The following LLGL2 variants were observed in gnomAD, a reference collection of about 807,000 sequenced individuals.
LLGL2 encodes the protein LLGL2, scribble cell polarity complex component.
A neutral mutation model predicts 123.2 loss-of-function variants in LLGL2; 81 were observed. The observed-to-expected ratio is 0.66, with a 90% CI of 0.55 to 0.79. LLGL2 has a LOEUF of 0.79. LLGL2 is among the 30% of genes least tolerant of loss of function. LLGL2 has a pLI of 0.00. For synonymous variants in LLGL2, 577 were observed against 594.1 expected, an observed-to-expected ratio of 0.97 and a Z score of 0.42; for missense variants, 1,273 against 1,414.6, an observed-to-expected ratio of 0.90 and a Z score of 1.61.
At chr17:75,556,895 G>A (rs2054936907) in intron 3 of LLGL2, among the ~76,000 whole-genome samples, 1 of 152,130 alleles carries the variant, frequency 6.6e-6, no homozygotes, top group African/African-American at 2.4e-5. Context: ...AGGGCGTGGT[G>A]GCACATGCCT....
chr17:75,570,584 C>T (rs980445258), intron 16 of LLGL2, 86 bp downstream of exon 16: 5 of 1,448,238 alleles, frequency 3.5e-6, no homozygotes, highest in East Asian at 5.0e-5. Context: ...GCCCCTGCTC[C>T]CCAGGCTTGC....
intron 14 of LLGL2, among the ~76,000 whole-genome samples, 200 bp downstream of exon 14, chr17:75,569,525 G>A (rs981066725): frequency 2.6e-5 from 4 of 152,290 alleles, no homozygotes; most frequent in Admixed American, 1.3e-4. Context: ...GGGCTGGGCC[G>A]GGCACGGTGG....
At chr17:75,573,773 C>G in intron 21 of LLGL2, 142 bp downstream of exon 21, 1 of 1,213,790 alleles carries the variant, frequency 8.2e-7, no homozygotes, top group Admixed American at 2.3e-5. Context: ...CTCTCCTTGC[C>G]TCTTTGCGTG....
At position 75,571,361 on chromosome 17, in the gene LLGL2, G is replaced by A; in HGVS notation, c.2176+261G>A. 6.9e-6 allele frequency: 4 copies of A among 578,028 alleles called. No homozygotes were observed. The South Asian group carries it at 8.8e-5, about 13-fold the overall frequency. 35.8% of individuals were successfully genotyped at this position (578,028 alleles called of 1,614,324 possible). On this transcript the variant is annotated intron_variant, in intron 17 of 25. Transcript: ENST00000392550. ...CAGACCCATCACTTAGCCTTTCAGG[G>A]CCTCAGCTTGCTTCTCTGTAAATGA...
rs1229436757 is a variant in LLGL2, at chr17:75,570,034, G to C, written c.1653G>C (p.Gln551His). Residue 551 changes from glutamine to histidine, a missense_variant, in exon 15 of 26, where the codon CAG becomes CAC. Transcript: ENST00000392550. ...AVEQVEADLLQDQEGYRWKGH... is the reference protein window; with the variant it reads ...AVEQVEADLLHDQEGYRWKGH... ...AGCAGGTGGAGGCCGACCTGCTGCA[G>C]GACCAAGAGGGCTACCGCTGGAAGG... 6.2e-7 allele frequency: 1 copy of C among 1,612,556 alleles called. No individual in the cohort carries two copies.
chr17:75,558,451 A>G lies in LLGL2; in HGVS notation c.256-61A>G, dbSNP rs2147373388. 1.3e-5 allele frequency: 18 copies of G among 1,402,764 alleles called. No homozygotes were observed. In the South Asian group the frequency reaches 1.9e-4, roughly 15 times the overall value. 86.9% of individuals were successfully genotyped at this position (1,402,764 alleles called of 1,614,324 possible). ...TAAACAACTGGGGCTGCGTGGCCCC[A>G]GTGTGTAAAGGCCTTGCCTGGGTAG... is the stretch of plus-strand genomic sequence containing the variant. On this transcript the variant is annotated intron_variant, in intron 4 of 25. Coordinates refer to ENST00000392550, the MANE Select transcript of LLGL2 (RefSeq NM_001031803.2). The surrounding 1 kb of genome is among the most constrained non-coding windows in gnomAD (Gnocchi z 4.0).
rs1404624901 is a variant in LLGL2 at position 75,574,230 on chromosome 17, G to T, written c.2923G>T (p.Val975Leu). ...SDGEEKQPGLVMERALLSDER... is the reference protein window; with the variant it reads ...SDGEEKQPGLLMERALLSDER... The stretch of plus-strand genomic sequence containing the variant: ...CCTTCCAGAGAAGCAGCCCGGCCTG[G>T]TGATGGAGCGCGCTCTGCTCAGTGA... Residue 975 changes from valine to leucine, a missense_variant, in exon 23 of 26, where the codon GTG becomes TTG. Transcript: ENST00000392550. 2.0e-6 allele frequency: 3 copies of T among 1,500,676 alleles called. No homozygotes were observed. Among genetic ancestry groups the T allele is most frequent in the East Asian group, 5.2e-5 (2 of 38,404 alleles). The allele number at this position is 1,500,676 out of a possible 1,614,324, so 93.0% of individuals were successfully genotyped here. A position where few individuals can be genotyped will look rare whatever the true frequency, so the allele number is the denominator to read the frequency against.
chr17:75,558,290 C>T lies in LLGL2; in HGVS notation c.255+54C>T. ...CACTTCCATGCCCTCCTTGCCTTCA[C>T]TGCTTCCAGCAGGGCTGGTGTGGAG... On this transcript the variant is annotated intron_variant, in intron 4 of 25. Coordinates refer to ENST00000392550, the MANE Select transcript of LLGL2 (RefSeq NM_001031803.2). The surrounding 1 kb of genome is among the most constrained non-coding windows in gnomAD (Gnocchi z 4.0). 1 of 1,524,668 alleles carries T rather than the reference C, an allele frequency of 6.6e-7. No homozygotes were observed. The highest frequency in any genetic ancestry group is 2.3e-5 in the East Asian group (1 of 44,234). 94.4% of individuals were successfully genotyped at this position (1,524,668 alleles called of 1,614,324 possible). A position where few individuals can be genotyped will look rare whatever the true frequency, so the allele number is the denominator to read the frequency against.
intron 2 of LLGL2, among the ~76,000 whole-genome samples, chr17:75,553,254 A>ATGG (rs2054756941): frequency 6.6e-6 from 1 of 152,140 alleles, no homozygotes; most frequent in African/African-American, 2.4e-5. Flanking sequence ...CCCCCTGGCT[A>ATGG]TCCCATTTAG....
At chr17:75,560,433 G>GA (rs1332377881) in intron 6 of LLGL2, among the ~76,000 whole-genome samples, 2 of 152,136 alleles carry the variant, frequency 1.3e-5, no homozygotes, top group African/African-American at 2.4e-5. Flanking sequence ...CGGCGGGGGG[G>GA]CCCAAGTGCC....
chr17:75,563,357 G>A lies in LLGL2; in HGVS notation c.720G>A (p.Arg240=). 1 of 1,612,832 alleles carries A rather than the reference G, an allele frequency of 6.2e-7. No individual in the cohort carries two copies. Among genetic ancestry groups the A allele is most frequent in the South Asian group, 1.1e-5 (1 of 91,056 alleles). ...SQQLENIWWQ[R]DGRLLVSCHS... is the part of the protein sequence containing the mutation. ...AACTGGAGAACATCTGGTGGCAGCG[G>A]GACGGCCGCCTGCTCGTCAGCTGTC... is the stretch of plus-strand genomic sequence containing the variant. Residue 240 remains arginine, a synonymous_variant, in exon 8 of 26, where the codon CGG becomes CGA. Transcript: ENST00000392550.
rs374313431 is a variant in LLGL2 at position 75,568,488 on chromosome 17, C to A, written c.1049C>A (p.Pro350His). Residue 350 changes from proline to histidine, a missense_variant, in exon 11 of 26, where the codon CCC (proline) becomes CAC (histidine). Pro to His is a moderately conservative substitution (Grantham distance 77). Transcript: ENST00000392550. ...CCCTGTACCCCAGCCTTTGACGACCCCTATGCCCTGGTGGTGCTGGCTGAG... is the reference window on the plus strand; with the variant it reads ...CCCTGTACCCCAGCCTTTGACGACCACTATGCCCTGGTGGTGCTGGCTGAG... ...EADPAATFDD[P>H]YALVVLAEEE... 1.2e-6 allele frequency: 2 copies of A among 1,612,978 alleles called. No homozygotes were observed. The highest frequency in any genetic ancestry group is 1.7e-5 in the Admixed American group (1 of 60,026).
chr17:75,560,424 G>T (rs1192560075), intron 6 of LLGL2, among the ~76,000 whole-genome samples: 1 of 137,178 alleles, frequency 7.3e-6, no homozygotes, highest in Non-Finnish European at 1.6e-5. Context: ...GAATCTAGTC[G>T]GCGGGGGGGC....
chr17:75,549,644 G>C lies in LLGL2; in HGVS notation c.75+6143G>C, dbSNP rs546085461. 6.6e-6 allele frequency among the ~76,000 whole-genome samples: 1 copy of C among 152,226 alleles called. No homozygotes were observed. The highest frequency in any genetic ancestry group is 1.5e-5 in the Non-Finnish European group (1 of 68,044). On this transcript the variant is annotated intron_variant, in intron 2 of 25. Coordinates refer to ENST00000392550, the MANE Select transcript of LLGL2 (RefSeq NM_001031803.2). This position sits in a 1 kb window ranked among gnomAD's most constrained non-coding sequence, Gnocchi z 4.0. ...GAGCTGGCCACACCCAGCCAGTATC[G>C]GGCAGAGTGGCCCGGCCAGGCAGGA...
chr17:75,527,062 A>G (rs2053599259), intron 1 of LLGL2, among the ~76,000 whole-genome samples: 1 of 151,198 alleles, frequency 6.6e-6, no homozygotes, highest in South Asian at 2.1e-4. Flanking sequence ...CCAGCTACTC[A>G]GGAGCCTGAG....
chr17:75,543,410 G>T lies in LLGL2; in HGVS notation c.-17G>T. ...CTGTTTCTCCAGGTCTCCAGTGGGGGCTGCAGACTAAGCAAAATGAGGCGG... is the reference window on the plus strand; with the variant it reads ...CTGTTTCTCCAGGTCTCCAGTGGGGTCTGCAGACTAAGCAAAATGAGGCGG... On this transcript the variant is annotated 5_prime_UTR_variant, in exon 2 of 26. Coordinates refer to ENST00000392550, the MANE Select transcript of LLGL2 (RefSeq NM_001031803.2). 6.2e-7 allele frequency: 1 copy of T among 1,601,842 alleles called. No homozygotes were observed. The highest frequency in any genetic ancestry group is 8.5e-7 in the Non-Finnish European group (1 of 1,172,802).
chr17:75,558,059 G>A lies in LLGL2; in HGVS notation c.174-96G>A, dbSNP rs2054997448. 1.7e-6 allele frequency: 2 copies of A among 1,182,566 alleles called. No homozygotes were observed. 73.3% of individuals were successfully genotyped at this position (1,182,566 alleles called of 1,614,324 possible). ...TCGGGGGAGGGCAGCCCCTCTCTGT[G>A]TTTGCATCATTGCACATGGGCCCCG... is the stretch of plus-strand genomic sequence containing the variant. On this transcript the variant is annotated intron_variant, in intron 3 of 25. Transcript: ENST00000392550. The surrounding 1 kb of genome is among the most constrained non-coding windows in gnomAD (Gnocchi z 4.0).
At chr17:75,528,580 C>T (rs919742288) in intron 1 of LLGL2, among the ~76,000 whole-genome samples, 1 of 152,034 alleles carries the variant, frequency 6.6e-6, no homozygotes, top group Non-Finnish European at 1.5e-5. Context: ...CTCTATTAAA[C>T]ATATAAAATC....
At position 75,568,973 on chromosome 17, in the gene LLGL2, C is replaced by T. The variant is rs764549732; in HGVS notation, c.1323-5C>T. 9.3e-6 allele frequency: 15 copies of T among 1,609,784 alleles called. No individual in the cohort carries two copies. The East Asian group carries it at 2.7e-4, about 29-fold the overall frequency. On this transcript the variant is annotated splice_polypyrimidine_tract_variant and splice_region_variant and intron_variant, in intron 12 of 25. Coordinates refer to ENST00000392550, the MANE Select transcript of LLGL2 (RefSeq NM_001031803.2). ...TCACGCCTGGCAGGTGGGTTCTGCC[C>T]ACAGGCACGAGGACGGCACGGTGCG...
Sources: gnomAD v4.1 joint callset for allele counts (sites outside exome capture counted in the v4.1 genomes callset) on GRCh38, gnomAD v4.1.1 for gene constraint, Gnocchi (gnomAD v3.1) non-coding constraint, MANE v1.5 for transcripts, NCBI Gene and HGNC (gene_info 2026-07-23, HGNC 2026-07-21) for gene names.